Variants in ESRRG observed in about 807,000 individuals in gnomAD.
The protein encoded by ESRRG is estrogen related receptor gamma.
ESRRG carries 13 observed loss-of-function variants against 44.0 expected under a neutral mutation model. The ratio of observed to expected loss-of-function variants is 0.30; its 90% CI spans 0.19 to 0.47. The LOEUF is 0.47. ESRRG is among the 20% of genes least tolerant of loss of function. The pLI is 1.00. For synonymous variants in ESRRG, 215 were observed against 214.6 expected (o/e 1.00, Z -0.02); for missense variants, 395 against 580.6 (o/e 0.68, Z 3.29).
At chr1:216,963,603 TA>T (rs2069600977) in intron 1 of ESRRG, among the ~76,000 whole-genome samples, 1 of 152,158 alleles carries the variant, frequency 6.6e-6, no homozygotes, top group Admixed American at 6.6e-5. Flanking sequence ...ATGAAGCTTT[TA>T]AAAATGAGCC....
At chr1:216,539,863 G>A (rs1484078790) in intron 5 of ESRRG, among the ~76,000 whole-genome samples, 1 of 151,850 alleles carries the variant, frequency 6.6e-6, no homozygotes, top group Admixed American at 6.6e-5. Context: ...GTTAATTTGA[G>A]ATGTAAAAAT....
chr1:216,674,307 A>C (rs2075712534), intron 2 of ESRRG, among the ~76,000 whole-genome samples: 1 of 152,170 alleles, frequency 6.6e-6, no homozygotes, highest in South Asian at 2.1e-4. Flanking sequence ...TTTCCATGTG[A>C]TTTTATATTT....
intron 1 of ESRRG, among the ~76,000 whole-genome samples, chr1:217,049,456 C>A (rs927309874): frequency 1.3e-5 from 2 of 148,856 alleles, no homozygotes; most frequent in Admixed American, 1.3e-4. Context: ...AAGACCAAAG[C>A]ATAACTAAAA....
chr1:216,848,673 G>A (rs1039550555), intron 2 of ESRRG, among the ~76,000 whole-genome samples: 1 of 151,982 alleles, frequency 6.6e-6, no homozygotes, highest in African/African-American at 2.4e-5. Context: ...TGCTGGAAAT[G>A]TTGCCTACCA....
Position 216,630,583 on chromosome 1 carries a change from C to A in ESRRG, c.589+20390G>T, listed in dbSNP as rs561837313. 1.6e-4 allele frequency among the ~76,000 whole-genome samples: 25 copies of A among 152,208 alleles called. 1 individual carries two copies. In the East Asian group the frequency reaches 3.5e-3, roughly 21 times the overall value. ...TGAAAACAGGGGTTGATAATGGAAA[C>A]CCTCCCGAGCCCTTAACTATAGTGT... On this transcript the variant is annotated intron_variant, in intron 3 of 6. Coordinates refer to ENST00000408911, the MANE Select transcript of ESRRG (RefSeq NM_001438.4).
intron 1 of ESRRG, among the ~76,000 whole-genome samples, chr1:216,943,989 C>G (rs2065682191): frequency 6.6e-6 from 1 of 152,120 alleles, no homozygotes; most frequent in African/African-American, 2.4e-5. Flanking sequence ...GATAAAATGT[C>G]ATGATATAAT....
At chr1:216,556,431 T>C (rs1300879106) in intron 5 of ESRRG, among the ~76,000 whole-genome samples, 1 of 152,146 alleles carries the variant, frequency 6.6e-6, no homozygotes, top group Non-Finnish European at 1.5e-5. Context: ...TTTTAGGACA[T>C]AGTACATGTA....
chr1:216,630,096 C>T (rs1204056948), intron 3 of ESRRG, among the ~76,000 whole-genome samples: 1 of 152,150 alleles, frequency 6.6e-6, no homozygotes, highest in African/African-American at 2.4e-5. Context: ...AGTAACTTGA[C>T]TTTTAGGCAC....
In ESRRG at chr1:216,608,724, T is replaced by A. The variant is rs2150272175; in HGVS notation, c.590-40626A>T. Among the ~76,000 whole-genome samples the A allele has an allele frequency of 2.0e-5, 3 of 152,270 alleles. No individual in the cohort carries two copies. The South Asian group carries it at 6.2e-4, about 32-fold the overall frequency. On this transcript the variant is annotated intron_variant, in intron 3 of 6. Coordinates refer to ENST00000408911, the MANE Select transcript of ESRRG (RefSeq NM_001438.4). ...AGGCACTGTTAAACAGTTCCTTAGG[T>A]CTGATGGTTCTTGGGGATCTAAGCT...
intron 1 of ESRRG, among the ~76,000 whole-genome samples, chr1:217,051,234 G>A (rs950837664): frequency 1.1e-4 from 15 of 133,302 alleles, no homozygotes; most frequent in Admixed American, 2.4e-4. Context: ...GGAATTGTAA[G>A]ACTGGGTCAT....
At chr1:217,136,265 T>A (rs1358140293) in intron 1 of ESRRG, among the ~76,000 whole-genome samples, 1 of 151,892 alleles carries the variant, frequency 6.6e-6, no homozygotes, top group Non-Finnish European at 1.5e-5. Flanking sequence ...ACGCCAGGAG[T>A]TGGCGTTTTC....
intron 1 of ESRRG, among the ~76,000 whole-genome samples, chr1:217,125,434 A>T (rs887318209): frequency 6.6e-6 from 1 of 152,232 alleles, no homozygotes; most frequent in African/African-American, 2.4e-5. Flanking sequence ...TCACAAATGT[A>T]TTTGTCTACA....
chr1:216,887,719 C>A (rs1417296669), intron 2 of ESRRG, among the ~76,000 whole-genome samples: 2 of 152,120 alleles, frequency 1.3e-5, no homozygotes, highest in African/African-American at 2.4e-5. Context: ...CTTGTTTTCT[C>A]TCTCTGAAAA....
At chr1:217,133,333 C>T (rs2092991782) in intron 1 of ESRRG, among the ~76,000 whole-genome samples, 1 of 152,280 alleles carries the variant, frequency 6.6e-6, no homozygotes, top group African/African-American at 2.4e-5. Context: ...ATGCTCCCAC[C>T]GCTACCCAGG....
At chr1:216,991,166 G>A (rs1021290921) in intron 1 of ESRRG, among the ~76,000 whole-genome samples, 9 of 147,050 alleles carry the variant, frequency 6.1e-5, no homozygotes, top group African/African-American at 1.7e-4. Flanking sequence ...ATGATCTGAG[G>A]TAAAACAGTT....
At chr1:216,676,038 G>C (rs1181414499) in intron 2 of ESRRG, among the ~76,000 whole-genome samples, 2 of 152,088 alleles carry the variant, frequency 1.3e-5, no homozygotes, top group African/African-American at 4.8e-5. Flanking sequence ...GTCCATAACT[G>C]GTTGTTAGGA....
intron 2 of ESRRG, among the ~76,000 whole-genome samples, chr1:216,756,698 TC>T (rs2152321300): frequency 6.6e-6 from 1 of 152,120 alleles, no homozygotes; most frequent in South Asian, 2.1e-4. Flanking sequence ...AGTATTTACT[TC>T]AAGAAATTAA....
intron 1 of ESRRG, chr1:216,714,508 G>A (rs776891215): frequency 3.3e-4 from 261 of 779,834 alleles, no homozygotes; most frequent in Non-Finnish European, 4.0e-4. Flanking sequence ...CAATATCACC[G>A]AACTTACCCC....
intron 2 of ESRRG, among the ~76,000 whole-genome samples, chr1:216,662,623 G>A (rs766034320): frequency 1.4e-5 from 2 of 147,024 alleles, no homozygotes; most frequent in Non-Finnish European, 3.1e-5. Flanking sequence ...TTAGCAGGGA[G>A]AGTGGGGGGG....
Sources: gnomAD v4.1 joint callset for allele counts (sites outside exome capture counted in the v4.1 genomes callset) on GRCh38, gnomAD v4.1.1 for gene constraint, MANE v1.5 for transcripts, NCBI Gene and HGNC (gene_info 2026-07-23, HGNC 2026-07-21) for gene names.